Variants in AKAP13 observed in about 807,000 individuals in gnomAD.
AKAP13 encodes the protein A-kinase anchoring protein 13.
Under a neutral mutation model 264.5 loss-of-function variants are expected in AKAP13, and 80 were observed. That is an observed-to-expected ratio of 0.30 (90% CI 0.25 to 0.36). The LOEUF is 0.36. Ranked by LOEUF, AKAP13 falls within the 10% of genes least tolerant of loss-of-function variation. The pLI is 1.00. For missense variants in AKAP13, 3,712 were observed against 3,435.2 expected (o/e 1.08, Z -2.01); for synonymous variants, 1,380 against 1,250.2 (o/e 1.10, Z -2.19).
intron 2 of AKAP13, among the ~76,000 whole-genome samples, chr15:85,489,322 A>G (rs2151067175): frequency 6.6e-6 from 1 of 152,388 alleles, no homozygotes; most frequent in South Asian, 2.1e-4. Flanking sequence ...TGACTTGAGC[A>G]GGCTCTACTG....
chr15:85,626,481 A>C (rs1177280609), intron 8 of AKAP13, among the ~76,000 whole-genome samples: 1 of 152,162 alleles, frequency 6.6e-6, no homozygotes, highest in African/African-American at 2.4e-5. Context: ...TCTAGGTACT[A>C]AGTGGAGTCA....
In AKAP13 at chr15:85,705,306, G is replaced by C. The variant is rs79550997; in HGVS notation, c.5465-2713G>C. On this transcript the variant is annotated intron_variant, in intron 17 of 36. Transcript: ENST00000394518. The stretch of plus-strand genomic sequence containing the variant: ...GGAACTGGTTGGGAAGAAAGGAACA[G>C]AAAGAACAGAACTTGGAAACAAATT... 9.6e-3 allele frequency among the ~76,000 whole-genome samples: 1,456 copies of C among 152,276 alleles called. 21 individuals are homozygous for C. Among genetic ancestry groups the C allele is most frequent in the Non-Finnish European group, 0.016 (1,089 of 68,004 alleles).
At chr15:85,442,641 T>G (rs996142577) in intron 1 of AKAP13, among the ~76,000 whole-genome samples, 3 of 150,114 alleles carry the variant, frequency 2.0e-5, no homozygotes, top group Admixed American at 6.7e-5. Context: ...AACTAAAACA[T>G]GTTTATTACA....
intron 1 of AKAP13, among the ~76,000 whole-genome samples, 191 bp from the exon 2 acceptor site, chr15:85,485,519 G>T (rs971011021): frequency 1.4e-4 from 21 of 152,182 alleles, no homozygotes; most frequent in Non-Finnish European, 1.0e-4. Flanking sequence ...AAAAGATTGA[G>T]TCTGGGATCA....
intron 8 of AKAP13, among the ~76,000 whole-genome samples, chr15:85,631,496 TCTCTCTCACACACACA>T (rs1181598769): frequency 1.5e-5 from 1 of 64,662 alleles, no homozygotes; most frequent in African/African-American, 5.3e-5. Context: ...TCTCTCTCTC[TCTCTCTCACACACACA>T]CACACACACA....
chr15:85,614,203 G>T lies in AKAP13; in HGVS notation c.4162-25171G>T, dbSNP rs570252945. Among the ~76,000 whole-genome samples the T allele has an allele frequency of 1.8e-4, 28 of 152,266 alleles. No individual in the cohort carries two copies. The South Asian group carries it at 3.9e-3, about 21-fold the overall frequency. On this transcript the variant is annotated intron_variant, in intron 8 of 36. Coordinates refer to ENST00000394518, the MANE Select transcript of AKAP13 (RefSeq NM_007200.5). ...GCACTCAGGTATTCTGTTGTCTGAGGAGCCGTTGTGGGAATCATGATTCGA... is the reference window on the plus strand; with the variant it reads ...GCACTCAGGTATTCTGTTGTCTGAGTAGCCGTTGTGGGAATCATGATTCGA...
chr15:85,702,901 A>C (rs138543571), intron 17 of AKAP13: 21 of 152,244 alleles, frequency 1.4e-4, no homozygotes, highest in African/African-American at 5.1e-4. Context: ...AAGCTTAGTG[A>C]CTTAGTGGGG....
intron 2 of AKAP13, among the ~76,000 whole-genome samples, chr15:85,499,501 A>T (rs2075982126): frequency 6.6e-6 from 1 of 152,164 alleles, no homozygotes; most frequent in Non-Finnish European, 1.5e-5. Context: ...CAGTATTCTG[A>T]TGTCAGCATT....
intron 3 of AKAP13, among the ~76,000 whole-genome samples, chr15:85,529,947 A>G (rs553411718): frequency 3.5e-4 from 54 of 152,266 alleles, no homozygotes; most frequent in African/African-American, 1.3e-3. Context: ...TCAGATTTTG[A>G]ATTCGTGTCT....
intron 14 of AKAP13, among the ~76,000 whole-genome samples, chr15:85,680,250 C>T (rs973816673): frequency 1.3e-5 from 2 of 152,124 alleles, no homozygotes; most frequent in Admixed American, 1.3e-4. Context: ...GCTCCTATCA[C>T]TGAAGTTTCC....
chr15:85,612,835 AG>A (rs56949125), intron 8 of AKAP13, among the ~76,000 whole-genome samples: 38,659 of 88,476 alleles, frequency 0.44, 5,686 homozygotes, highest in Middle Eastern at 0.53. Flanking sequence ...CAAAAAAAAA[AG>A]AAAAAAAGAA....
At chr15:85,672,179 T>C (rs1434046726) in intron 14 of AKAP13, among the ~76,000 whole-genome samples, 1 of 152,210 alleles carries the variant, frequency 6.6e-6, no homozygotes, top group Non-Finnish European at 1.5e-5. Context: ...TTTATTCCTT[T>C]CATCCAAATG....
intron 8 of AKAP13, among the ~76,000 whole-genome samples, chr15:85,596,926 A>G (rs1940177559): frequency 6.6e-6 from 1 of 152,128 alleles, no homozygotes; most frequent in South Asian, 2.1e-4. Context: ...CCCTTCTCTG[A>G]GGCAGAAAAA....
At chr15:85,716,320 G>A (rs1411672167) in intron 20 of AKAP13, among the ~76,000 whole-genome samples, 3 of 152,120 alleles carry the variant, frequency 2.0e-5, no homozygotes, top group Non-Finnish European at 4.4e-5. Context: ...TGGTTGTTTT[G>A]TTTCTTCTTA....
At chr15:85,420,804 A>G (rs2072486333) in intron 1 of AKAP13, among the ~76,000 whole-genome samples, 2 of 152,152 alleles carry the variant, frequency 1.3e-5, no homozygotes, top group South Asian at 2.1e-4. Flanking sequence ...TTTCATTGGA[A>G]AAAATTTAAA....
At chr15:85,655,373 TG>T in intron 10 of AKAP13, 43 bp from the exon 11 acceptor site, 1 of 1,578,144 alleles carries the variant, frequency 6.3e-7, no homozygotes. Flanking sequence ...GCTATCTGAT[TG>T]GCCCTGCTGG....
At chr15:85,710,884 G>C (rs1330481382) in intron 19 of AKAP13, among the ~76,000 whole-genome samples, 1 of 152,136 alleles carries the variant, frequency 6.6e-6, no homozygotes, top group Non-Finnish European at 1.5e-5. Context: ...CAGCACCTTT[G>C]CCCTGTGTGT....
chr15:85,713,367 G>A (rs1450491979), intron 19 of AKAP13, among the ~76,000 whole-genome samples: 1 of 151,866 alleles, frequency 6.6e-6, no homozygotes, highest in Non-Finnish European at 1.5e-5. Context: ...TCATTCCATG[G>A]TTCTTCTCAT....
chr15:85,555,939 A>G (rs2078127463), intron 5 of AKAP13, among the ~76,000 whole-genome samples: 1 of 152,166 alleles, frequency 6.6e-6, no homozygotes, highest in Non-Finnish European at 1.5e-5. Context: ...AAAACTTATA[A>G]CAAAAACCCT....
Sources: gnomAD v4.1 joint callset for allele counts (sites outside exome capture counted in the v4.1 genomes callset) on GRCh38, gnomAD v4.1.1 for gene constraint, MANE v1.5 for transcripts, NCBI Gene and HGNC (gene_info 2026-07-23, HGNC 2026-07-21) for gene names.